The following DNAH11 variants were observed in gnomAD, a reference collection of about 807,000 sequenced individuals.
The protein encoded by DNAH11 is dynein axonemal heavy chain 11, also known as axonemal beta dynein heavy chain 11.
DNAH11 carries 442 observed loss-of-function variants against 526.0 expected under a neutral mutation model. That is an observed-to-expected ratio of 0.84 (90% CI 0.78 to 0.91). DNAH11 has a LOEUF of 0.91. DNAH11 is among the 40% of genes least tolerant of loss of function. The probability of loss-of-function intolerance (pLI) is 0.00; values close to 1 mark genes in which losing one functional copy is unlikely to be tolerated. For synonymous variants in DNAH11, 2,461 were observed against 1,935.9 expected (o/e 1.27, Z -7.12); for missense variants, 6,989 against 5,448.7 (o/e 1.28, Z -8.90).
At chr7:21,867,764 C>G in intron 71 of DNAH11, 95 bp from the exon 72 acceptor site, 1 of 1,174,640 alleles carries the variant, frequency 8.5e-7, no homozygotes, top group Non-Finnish European at 1.2e-6. Flanking sequence ...CTGGTTACTT[C>G]TATCGTGTGC....
At chr7:21,689,835 A>T (rs1783536428) in intron 34 of DNAH11, among the ~76,000 whole-genome samples, 1 of 152,150 alleles carries the variant, frequency 6.6e-6, no homozygotes, top group South Asian at 2.1e-4. Flanking sequence ...AATGCAAGAG[A>T]TCAGCCTTAT....
intron 74 of DNAH11, among the ~76,000 whole-genome samples, chr7:21,877,404 C>T (rs538788170): frequency 1.2e-4 from 18 of 152,118 alleles, no homozygotes; most frequent in African/African-American, 4.3e-4. Context: ...TTAATCTTTC[C>T]CCTCAATTTA....
chr7:21,878,517 C>T (rs912809501), intron 74 of DNAH11, among the ~76,000 whole-genome samples: 6 of 152,124 alleles, frequency 3.9e-5, no homozygotes, highest in African/African-American at 9.6e-5. Flanking sequence ...TCCAGTTATA[C>T]GGTTTCTCTT....
In DNAH11 at chr7:21,705,440, A is replaced by C. The variant is rs1784226896; in HGVS notation, c.6469-20A>C. On this transcript the variant is annotated intron_variant, in intron 38 of 81. Transcript: ENST00000409508. ...ACCAACTCCTTAAAGGAAACCAGCA[A>C]CCAGCTGTTTGCTCTGCAGGTTGTC... is the stretch of plus-strand genomic sequence containing the variant. 6.2e-7 allele frequency: 1 copy of C among 1,613,236 alleles called. No individual in the cohort carries two copies. The highest frequency in any genetic ancestry group is 1.7e-5 in the Admixed American group (1 of 59,940).
At position 21,543,151 on chromosome 7, in the gene DNAH11, G is replaced by T. The variant is rs1583467473; in HGVS notation, c.-95G>T. 3.5e-6 allele frequency: 5 copies of T among 1,437,448 alleles called. No individual in the cohort carries two copies. The South Asian group carries it at 4.5e-5, about 13-fold the overall frequency. The allele number at this position is 1,437,448 out of a possible 1,614,324, so 89.0% of individuals were successfully genotyped here. On this transcript the variant is annotated 5_prime_UTR_variant, in exon 1 of 82. Coordinates refer to ENST00000409508, the MANE Select transcript of DNAH11 (RefSeq NM_001277115.2). ...GCGCTCGCGGCGACCGCGGAGGAGGGTGGGCGCCTGCGGAGGTGTCCTCGC... is the reference window on the plus strand; with the variant it reads ...GCGCTCGCGGCGACCGCGGAGGAGGTTGGGCGCCTGCGGAGGTGTCCTCGC...
Position 21,773,891 on chromosome 7 carries a change from A to C in DNAH11, c.9228A>C (p.Glu3076Asp). Reference protein sequence around the residue: ...HNYTTPKSFLEQISLFKNLLK... With the variant: ...HNYTTPKSFLDQISLFKNLLK... Reference sequence around the variant, plus strand: ...ATACCACCCCAAAGAGTTTTCTAGAACAAATATCACTGTTTAAGAACCTGT... The same window carrying C: ...ATACCACCCCAAAGAGTTTTCTAGACCAAATATCACTGTTTAAGAACCTGT... Residue 3076 changes from glutamate to aspartate, a missense_variant, in exon 56 of 82, where the codon GAA becomes GAC. Physicochemically the swap from Glu to Asp is conservative, Grantham distance 45. Transcript: ENST00000409508. 1 of 1,604,968 alleles carries C rather than the reference A, an allele frequency of 6.2e-7. No individual in the cohort carries two copies. Among genetic ancestry groups the C allele is most frequent in the East Asian group, 2.2e-5 (1 of 44,588 alleles).
chr7:21,790,212 C>T (rs1468910976), intron 61 of DNAH11, among the ~76,000 whole-genome samples: 1 of 151,966 alleles, frequency 6.6e-6, no homozygotes, highest in Non-Finnish European at 1.5e-5. Flanking sequence ...TTTGGGAGGC[C>T]AAGGCGGGCA....
At chr7:21,832,836 A>G (rs369818668) in intron 65 of DNAH11, among the ~76,000 whole-genome samples, 28 of 152,356 alleles carry the variant, frequency 1.8e-4, no homozygotes, top group Middle Eastern at 3.4e-3. Context: ...TATGTGACGC[A>G]CAAAGCCTAA....
chr7:21,860,355 A>G (rs369598234), intron 68 of DNAH11, among the ~76,000 whole-genome samples: 5 of 152,310 alleles, frequency 3.3e-5, no homozygotes, highest in African/African-American at 4.8e-5. Flanking sequence ...GGGGTGCACA[A>G]TGGCACAGCC....
At chr7:21,661,289 T>A (rs1020997993) in intron 30 of DNAH11, among the ~76,000 whole-genome samples, 20 of 152,136 alleles carry the variant, frequency 1.3e-4, no homozygotes, top group Non-Finnish European at 4.4e-5. Flanking sequence ...ATTTTTCACC[T>A]GATTGCTTAT....
chr7:21,781,315 T>G (rs1203514177), intron 57 of DNAH11, among the ~76,000 whole-genome samples: 1 of 152,164 alleles, frequency 6.6e-6, no homozygotes, highest in Non-Finnish European at 1.5e-5. Context: ...TGACAGCCCA[T>G]GTAGAGAGGC....
rs1554294352 is a variant in DNAH11, at chr7:21,900,904, C to CAAAACCAGAATGTTGA, written c.13304-101_13304-86dup. The CAAAACCAGAATGTTGA allele has an allele frequency of 2.0e-6, 3 of 1,476,118 alleles. No homozygotes were observed. The African/African-American group carries it at 4.3e-5, about 21-fold the overall frequency. 91.4% of individuals were successfully genotyped at this position (1,476,118 alleles called of 1,614,324 possible). On this transcript the variant is annotated intron_variant, in intron 81 of 81. Transcript: ENST00000409508. The stretch of plus-strand genomic sequence containing the variant: ...ATACCACTGACAAGCAAAAATATGA[C>CAAAACCAGAATGTTGA]AAAACCAGAATGTTGAATGTTTATT...
At chr7:21,763,351 A>AG (rs1787011281) in intron 54 of DNAH11, among the ~76,000 whole-genome samples, 2 of 91,106 alleles carry the variant, frequency 2.2e-5, no homozygotes, top group Non-Finnish European at 4.9e-5. Context: ...AAAAAAAAAA[A>AG]AAAAAGAAAA....
intron 54 of DNAH11, among the ~76,000 whole-genome samples, chr7:21,750,699 C>T (rs907854085): frequency 2.6e-5 from 4 of 152,088 alleles, no homozygotes; most frequent in African/African-American, 7.2e-5. Context: ...TGCAGAGGAG[C>T]GCAGCATCCT....
chr7:21,854,863 C>T (rs535494050), intron 68 of DNAH11, among the ~76,000 whole-genome samples: 87 of 152,022 alleles, frequency 5.7e-4, no homozygotes, highest in Middle Eastern at 3.4e-3. Flanking sequence ...TTTAAGCCAT[C>T]GGTGTACCCA....
chr7:21,606,763 A>G lies in DNAH11; in HGVS notation c.3852+30A>G, dbSNP rs17689582. On this transcript the variant is annotated intron_variant, in intron 20 of 81. Transcript: ENST00000409508. ...TACAGATCTCAAATATCCTGTGTGC[A>G]TTAAAATAGCTACTTTAAAAAATGT... The G allele has an allele frequency of 0.015, 23,019 of 1,533,562 alleles. 240 individuals are homozygous for G. Among genetic ancestry groups the G allele is most frequent in the Non-Finnish European group, 0.019 (20,778 of 1,122,374 alleles). 95.0% of individuals were successfully genotyped at this position (1,533,562 alleles called of 1,614,324 possible).
Position 21,615,229 on chromosome 7 carries a change from T to C in DNAH11, c.3968T>C (p.Ile1323Thr), listed in dbSNP as rs1785713673. ...CAAATGAAACAGTGTCGCAAAGAAA[T>C]AAAATTGCTCAAGGGACTGTGGGAT... ...YKQMKQCRKEIKLLKGLWDVI... is the reference protein window; with the variant it reads ...YKQMKQCRKETKLLKGLWDVI... Residue 1323 changes from isoleucine (I) to threonine (T), a missense_variant, in exon 21 of 82, where the codon ATA becomes ACA. Coordinates refer to ENST00000409508, the MANE Select transcript of DNAH11 (RefSeq NM_001277115.2). The C allele has an allele frequency of 6.2e-7, 1 of 1,613,356 alleles. No homozygotes were observed. Among genetic ancestry groups the C allele is most frequent in the African/African-American group, 1.3e-5 (1 of 74,906 alleles).
At chr7:21,842,225 G>A (rs200479003) in intron 65 of DNAH11, among the ~76,000 whole-genome samples, 13 of 152,258 alleles carry the variant, frequency 8.5e-5, no homozygotes, top group Middle Eastern at 3.4e-3. Context: ...TTACATCGAG[G>A]ACTTACTGTA....
intron 69 of DNAH11, among the ~76,000 whole-genome samples, chr7:21,863,361 CTG>C (rs1234387067): frequency 1.3e-5 from 2 of 152,174 alleles, no homozygotes; most frequent in Non-Finnish European, 2.9e-5. Flanking sequence ...CGGAGTCTCG[CTG>C]TGTCGCCAGG....
Sources: allele counts gnomAD v4.1 joint callset (sites outside exome capture counted in the v4.1 genomes callset), GRCh38; gene constraint gnomAD v4.1.1; transcripts MANE v1.5; gene names NCBI Gene and HGNC (gene_info 2026-07-23, HGNC 2026-07-21).